The following KCNIP4 variants were observed in gnomAD, a reference collection of about 807,000 sequenced individuals.
KCNIP4 encodes potassium voltage-gated channel interacting protein 4, also known as Kv channel-interacting protein 4.
Under a neutral mutation model 34.0 loss-of-function variants are expected in KCNIP4, and 12 were observed. The ratio of observed to expected loss-of-function variants is 0.35; its 90% CI spans 0.23 to 0.57. The LOEUF (loss-of-function observed/expected upper bound fraction) is 0.57, where lower values mean the gene tolerates loss of function less well. KCNIP4 is among the 20% of genes least tolerant of loss of function. KCNIP4 has a pLI of 0.83. For synonymous variants in KCNIP4, 124 were observed against 102.2 expected (o/e 1.21, Z -1.29); for missense variants, 238 against 311.7 (o/e 0.76, Z 1.78).
intron 1 of KCNIP4, among the ~76,000 whole-genome samples, chr4:21,567,340 C>T (rs1739975008): frequency 6.6e-6 from 1 of 151,766 alleles, no homozygotes; most frequent in Admixed American, 6.6e-5. Flanking sequence ...GAATGGAAGC[C>T]ACTGGCTGAT....
intron 1 of KCNIP4, among the ~76,000 whole-genome samples, chr4:21,942,505 C>A (rs1730257095): frequency 6.6e-6 from 1 of 152,174 alleles, no homozygotes; most frequent in South Asian, 2.1e-4. Context: ...AAACACTGTA[C>A]ACTCTGATAG....
intron 1 of KCNIP4, among the ~76,000 whole-genome samples, chr4:21,947,052 C>A (rs1000439141): frequency 4.6e-5 from 7 of 152,186 alleles, no homozygotes; most frequent in African/African-American, 1.7e-4. Context: ...CCATCCAGAT[C>A]CTGAGACGAC....
intron 2 of KCNIP4, among the ~76,000 whole-genome samples, chr4:20,864,189 TAC>T (rs1457650966): frequency 6.9e-5 from 5 of 72,308 alleles, no homozygotes; most frequent in South Asian, 1.1e-3. Flanking sequence ...TATGTATGCG[TAC>T]ATATGTATGT....
In KCNIP4 at chr4:20,770,366, G is replaced by A. The variant is rs540694908; in HGVS notation, c.289-11476C>T. Among the ~76,000 whole-genome samples, 8 of 151,966 alleles carry A rather than the reference G, an allele frequency of 5.3e-5. No homozygotes were observed. In the South Asian group the frequency reaches 1.0e-3, roughly 20 times the overall value. ...GTATCCCATATGCTGAGTGTTCCCCGTCTAGAGTATGTCTGCCTATATCCA... is the reference window on the plus strand; with the variant it reads ...GTATCCCATATGCTGAGTGTTCCCCATCTAGAGTATGTCTGCCTATATCCA... On this transcript the variant is annotated intron_variant, in intron 3 of 8. Coordinates refer to ENST00000382152, the MANE Select transcript of KCNIP4 (RefSeq NM_025221.6).
intron 1 of KCNIP4, among the ~76,000 whole-genome samples, chr4:21,248,108 A>G (rs1760431126): frequency 6.6e-6 from 1 of 150,904 alleles, no homozygotes; most frequent in African/African-American, 2.4e-5. Context: ...ACATGCAATA[A>G]TATAAAATAA....
At chr4:20,935,443 C>G (rs1347867527) in intron 1 of KCNIP4, among the ~76,000 whole-genome samples, 1 of 152,162 alleles carries the variant, frequency 6.6e-6, no homozygotes, top group African/African-American at 2.4e-5. Context: ...GTCTCCATTT[C>G]CCAACAAACT....
Position 20,920,642 on chromosome 4 carries a change from C to G in KCNIP4, c.62-37933G>C, listed in dbSNP as rs373615432. Among the ~76,000 whole-genome samples the G allele has an allele frequency of 1.6e-4, 25 of 152,178 alleles. No individual in the cohort carries two copies. The South Asian group carries it at 3.3e-3, about 20-fold the overall frequency. ...CAGTACATGGAGAAGCCAAGTGATC[C>G]CTGTGGACGATGGAGAGTGAGTGAG... On this transcript the variant is annotated intron_variant, in intron 1 of 8. Transcript: ENST00000382152.
At chr4:21,918,132 G>C (rs1025442747) in intron 1 of KCNIP4, among the ~76,000 whole-genome samples, 1 of 152,082 alleles carries the variant, frequency 6.6e-6, no homozygotes, top group Admixed American at 6.6e-5. Flanking sequence ...CAAGGTGGTA[G>C]TATTAGGAAA....
intron 1 of KCNIP4, among the ~76,000 whole-genome samples, chr4:21,436,015 T>TG (rs1726915085): frequency 1.3e-5 from 2 of 152,212 alleles, no homozygotes; most frequent in South Asian, 4.1e-4. Flanking sequence ...CTTCTTACTA[T>TG]TCTGTTTGAC....
Position 21,430,363 on chromosome 4 carries a change from G to A in KCNIP4, c.61+518208C>T, listed in dbSNP as rs537979656. ...AAGAAGAAACTCTCCCTTGATAAGGGAGGGTTTATCAGTGGTATTCTATTA... is the reference window on the plus strand; with the variant it reads ...AAGAAGAAACTCTCCCTTGATAAGGAAGGGTTTATCAGTGGTATTCTATTA... On this transcript the variant is annotated intron_variant, in intron 1 of 8. Transcript: ENST00000382152. Among the ~76,000 whole-genome samples, 34 of 151,750 alleles carry A rather than the reference G, an allele frequency of 2.2e-4. No homozygotes were observed. In the South Asian group the frequency reaches 6.5e-3, roughly 29 times the overall value.
chr4:21,574,058 A>G (rs1740552449), intron 1 of KCNIP4, among the ~76,000 whole-genome samples: 1 of 152,146 alleles, frequency 6.6e-6, no homozygotes, highest in African/African-American at 2.4e-5. Context: ...AGGCTGCAAT[A>G]CTAATGCACT....
chr4:21,352,305 G>A (rs1718087066), intron 1 of KCNIP4, among the ~76,000 whole-genome samples: 1 of 152,210 alleles, frequency 6.6e-6, no homozygotes, highest in South Asian at 2.1e-4. Context: ...CGGAGGGCAA[G>A]CCAAAGCAGG....
At chr4:20,832,286 A>G (rs1250156143) in intron 3 of KCNIP4, among the ~76,000 whole-genome samples, 1 of 152,214 alleles carries the variant, frequency 6.6e-6, no homozygotes, top group Non-Finnish European at 1.5e-5. Flanking sequence ...AGACTAAATA[A>G]CTAGATAATT....
chr4:20,968,005 G>A (rs559405716), intron 1 of KCNIP4, among the ~76,000 whole-genome samples: 11 of 152,114 alleles, frequency 7.2e-5, no homozygotes, highest in South Asian at 2.1e-4. Context: ...CCTACAGAAC[G>A]GGAGAAAATT....
At chr4:21,236,815 C>T (rs1214762160) in intron 1 of KCNIP4, among the ~76,000 whole-genome samples, 1 of 151,018 alleles carries the variant, frequency 6.6e-6, no homozygotes, top group Non-Finnish European at 1.5e-5. Flanking sequence ...CAAGACCAGC[C>T]TGACCAAGAT....
chr4:21,009,154 A>C (rs1738839101), intron 1 of KCNIP4, among the ~76,000 whole-genome samples: 1 of 152,196 alleles, frequency 6.6e-6, no homozygotes, highest in Non-Finnish European at 1.5e-5. Context: ...CTTTTAGAAA[A>C]GACAAATATA....
chr4:21,446,875 G>C (rs11731111), intron 1 of KCNIP4, among the ~76,000 whole-genome samples: 188 of 151,672 alleles, frequency 1.2e-3, no homozygotes, highest in Non-Finnish European at 2.1e-3. Context: ...GCTTTTTATT[G>C]TCAAGTAATA....
intron 1 of KCNIP4, among the ~76,000 whole-genome samples, chr4:21,011,400 G>A (rs1577530618): frequency 6.6e-6 from 1 of 152,302 alleles, no homozygotes; most frequent in East Asian, 1.9e-4. Flanking sequence ...TGAAGGGTCT[G>A]GGATACTTGG....
At chr4:21,769,844 T>A (rs780986835) in intron 1 of KCNIP4, among the ~76,000 whole-genome samples, 3 of 152,152 alleles carry the variant, frequency 2.0e-5, no homozygotes, top group Non-Finnish European at 4.4e-5. Context: ...GCAAAAATCA[T>A]ATTTTACATC....
Sources: gnomAD v4.1 joint callset for allele counts (sites outside exome capture counted in the v4.1 genomes callset) on GRCh38, gnomAD v4.1.1 for gene constraint, MANE v1.5 for transcripts, NCBI Gene and HGNC (gene_info 2026-07-23, HGNC 2026-07-21) for gene names.